The following CFAP70 variants were observed in gnomAD, a reference collection of about 807,000 sequenced individuals.
The protein encoded by CFAP70 is cilia- and flagella-associated protein 70.
Under a neutral mutation model 137.6 loss-of-function variants are expected in CFAP70, and 81 were observed. That is an observed-to-expected ratio of 0.59 (90% confidence interval 0.49 to 0.71). The LOEUF is 0.71. Among genes scored for constraint, CFAP70 ranks in the 30% least tolerant of loss-of-function variants. CFAP70 has a pLI of 0.00. For missense variants in CFAP70, 976 were observed against 1,226.7 expected, an observed-to-expected ratio of 0.80 and a Z score of 3.05; for synonymous variants, 382 against 423.6, an observed-to-expected ratio of 0.90 and a Z score of 1.20.
At chr10:73,263,297 A>G (rs1301706824) in intron 25 of CFAP70, among the ~76,000 whole-genome samples, 1 of 152,104 alleles carries the variant, frequency 6.6e-6, no homozygotes. Flanking sequence ...AAGTCTCACT[A>G]TGTCGCCCAG....
chr10:73,278,985 A>C (rs2047026358), intron 19 of CFAP70: 1 of 152,004 alleles, frequency 6.6e-6, no homozygotes, highest in African/African-American at 2.4e-5. Flanking sequence ...GTCTCAAAAA[A>C]AAAAAAAAAA....
rs563269553 is a variant in CFAP70 at position 73,317,087 on chromosome 10, A to G, written c.913-4444T>C. Among the ~76,000 whole-genome samples, 71 of 152,252 alleles carry G rather than the reference A, an allele frequency of 4.7e-4. 1 individual carries two copies. The South Asian group carries it at 0.014, about 30-fold the overall frequency. ...GTCATCTAGGCTGGAGTGCAGTGGC[A>G]CGATCTTGGCTCACTATAACCTCCT... On this transcript the variant is annotated intron_variant, in intron 9 of 26. Coordinates refer to ENST00000310715, the Ensembl canonical transcript of CFAP70.
At chr10:73,358,533 G>A (rs2054850729) in intron 1 of CFAP70, among the ~76,000 whole-genome samples, 2 of 152,234 alleles carry the variant, frequency 1.3e-5, no homozygotes, top group South Asian at 4.1e-4. Flanking sequence ...TCGCCGGGCT[G>A]GGGTTGGCGG....
intron 24 of CFAP70, among the ~76,000 whole-genome samples, chr10:73,272,609 TA>T (rs1435703409): frequency 6.6e-6 from 1 of 152,244 alleles, no homozygotes; most frequent in Non-Finnish European, 1.5e-5. Flanking sequence ...TTGACTTGAA[TA>T]GATTCTTCAT....
intron 20 of CFAP70, 85 bp downstream of exon 21, chr10:73,278,094 G>A: frequency 7.3e-7 from 1 of 1,370,258 alleles, no homozygotes; most frequent in Non-Finnish European, 1.0e-6. Context: ...AAACAAGTCA[G>A]GATTGCCATT....
chr10:73,322,997 AC>A lies in CFAP70; in HGVS notation c.877del (p.Val293PhefsTer5). ...GACTACACTGTCTAGGTAAGGGTAA[AC>A]ATGAAAAGCTCCCCGAATTCTCTTC... On this transcript the variant is annotated frameshift_variant, in exon 9 of 27. Transcript: ENST00000310715. LOFTEE classifies it high-confidence loss of function. 6.2e-7 allele frequency: 1 copy of A among 1,613,628 alleles called. No individual in the cohort carries two copies. Among genetic ancestry groups the A allele is most frequent in the South Asian group, 1.1e-5 (1 of 90,982 alleles).
chr10:73,313,923 G>C (rs901368018), intron 9 of CFAP70, among the ~76,000 whole-genome samples: 3 of 152,176 alleles, frequency 2.0e-5, no homozygotes, highest in Non-Finnish European at 2.9e-5. Flanking sequence ...AGTTACCACT[G>C]ACCTATCAGT....
In CFAP70 at chr10:73,265,627, G is replaced by A. The variant is rs1382769348; in HGVS notation, c.3027+3987C>T. ...ATGCTGTAATTAATAACTTGCGCAC[G>A]CTCATTTTCAAATTGCTAGAGGAAG... On this transcript the variant is annotated intron_variant, in intron 25 of 26. Transcript: ENST00000310715. 2.0e-5 allele frequency among the ~76,000 whole-genome samples: 3 copies of A among 152,102 alleles called. No individual in the cohort carries two copies. The South Asian group carries it at 6.2e-4, about 32-fold the overall frequency.
At chr10:73,282,679 G>A (rs1352794686) in intron 19 of CFAP70, among the ~76,000 whole-genome samples, 1 of 151,926 alleles carries the variant, frequency 6.6e-6, no homozygotes, top group Non-Finnish European at 1.5e-5. Context: ...GGGATTACAG[G>A]TATGAGCCAC....
At chr10:73,354,604 A>T (rs1589614343) in intron 2 of CFAP70, 130 bp downstream of exon 2, 1 of 722,836 alleles carries the variant, frequency 1.4e-6, no homozygotes, top group East Asian at 2.7e-5. Context: ...AACAATAAGG[A>T]ACACTGAGGC....
intron 15 of CFAP70, chr10:73,294,933 A>T (rs1251841865): frequency 6.6e-6 from 1 of 152,310 alleles, no homozygotes; most frequent in African/African-American, 2.4e-5. Flanking sequence ...GCCATCAATT[A>T]TCCCCTCTCT....
intron 25 of CFAP70, among the ~76,000 whole-genome samples, chr10:73,262,652 A>G (rs2045372521): frequency 6.6e-6 from 1 of 152,180 alleles, no homozygotes; most frequent in Admixed American, 6.5e-5. Flanking sequence ...GTGGGCTATT[A>G]GAAAAAAATT....
chr10:73,280,873 C>T (rs746558554), intron 19 of CFAP70, among the ~76,000 whole-genome samples: 8 of 151,914 alleles, frequency 5.3e-5, no homozygotes, highest in Non-Finnish European at 1.0e-4. Flanking sequence ...CATTGATTGT[C>T]TCTATTTTTG....
chr10:73,331,377 AT>A, intron 7 of CFAP70, 101 bp from the exon 9 acceptor site: 1 of 977,456 alleles, frequency 1.0e-6, no homozygotes, highest in Non-Finnish European at 1.5e-6. Flanking sequence ...AATATAGAAT[AT>A]ACATATATAA....
At chr10:73,273,498 A>T (rs1039979410) in intron 23 of CFAP70, among the ~76,000 whole-genome samples, 1 of 152,258 alleles carries the variant, frequency 6.6e-6, no homozygotes, top group African/African-American at 2.4e-5. Context: ...TTCAAAGGAC[A>T]TAGCCCTGAA....
chr10:73,346,728 A>C (rs1323720210), intron 4 of CFAP70, among the ~76,000 whole-genome samples: 2 of 152,210 alleles, frequency 1.3e-5, no homozygotes, highest in African/African-American at 2.4e-5. Flanking sequence ...AGTTCCTTTC[A>C]ACATAGAACT....
intron 19 of CFAP70, among the ~76,000 whole-genome samples, chr10:73,285,991 G>T (rs1473262289): frequency 6.6e-6 from 1 of 152,072 alleles, no homozygotes; most frequent in Non-Finnish European, 1.5e-5. Context: ...CTGAGAGTCT[G>T]GCAGGCTCAA....
chr10:73,272,949 T>C, exon 24 of CFAP70: 1 of 1,552,714 alleles, frequency 6.4e-7, no homozygotes, highest in Non-Finnish European at 8.7e-7. Flanking sequence ...CGATTCCCAG[T>C]CCTAGCCAGG....
exon 2 of CFAP70, chr10:73,354,769 G>A: frequency 1.9e-6 from 3 of 1,614,020 alleles, no homozygotes; most frequent in Non-Finnish European, 2.5e-6. Flanking sequence ...ATCTGCACGA[G>A]TCTGCCTGCT....
Sources: allele counts gnomAD v4.1 joint callset (sites outside exome capture counted in the v4.1 genomes callset), GRCh38; gene constraint gnomAD v4.1.1; transcripts MANE v1.5; gene names NCBI Gene and HGNC (gene_info 2026-07-23, HGNC 2026-07-21).